PRELID2: variants seen among roughly 807,000 people sequenced by gnomAD.
PRELID2 encodes the protein PRELI domain-containing protein 2.
A neutral mutation model predicts 28.4 loss-of-function variants in PRELID2; 25 were observed. The observed-to-expected ratio is 0.88, with a 90% confidence interval of 0.64 to 1.23. PRELID2 has a LOEUF of 1.23. Among genes scored for constraint, PRELID2 ranks in the 50% most tolerant of loss-of-function variants. The pLI, the probability that PRELID2 is intolerant of heterozygous loss-of-function variation, is 0.00. For synonymous variants in PRELID2, 76 were observed against 71.6 expected (o/e 1.06, Z -0.31); for missense variants, 201 against 214.4 (o/e 0.94, Z 0.39).
At chr5:145,242,902 C>G in the PRELID2 span, among the ~76,000 whole-genome samples, 3 of 151,992 alleles carry the variant, frequency 2.0e-5, no homozygotes, top group African/African-American at 7.2e-5. Flanking sequence ...CATATGTGTT[C>G]TTGAGAGACA....
intron 1 of PRELID2, among the ~76,000 whole-genome samples, chr5:145,682,869 GC>G (rs1474375870): frequency 1.3e-5 from 2 of 152,176 alleles, no homozygotes; most frequent in Non-Finnish European, 2.9e-5. Flanking sequence ...AAATCAAGAA[GC>G]TTTTCAACAC....
intron 1 of PRELID2, among the ~76,000 whole-genome samples, chr5:145,652,850 C>G (rs1007386831): frequency 4.6e-5 from 7 of 152,136 alleles, no homozygotes; most frequent in Non-Finnish European, 8.8e-5. Flanking sequence ...AATTGACAGG[C>G]AAAATAACCA....
the PRELID2 span, among the ~76,000 whole-genome samples, chr5:145,446,890 T>C: frequency 6.6e-6 from 1 of 151,626 alleles, no homozygotes; most frequent in Non-Finnish European, 1.5e-5. Context: ...CTACTAGAAA[T>C]ACAAAATTAG....
intron 3 of PRELID2, 131 bp downstream of exon 3, chr5:145,819,814 T>C (rs1754634695): frequency 2.9e-6 from 2 of 698,434 alleles, no homozygotes; most frequent in Non-Finnish European, 5.1e-6. Flanking sequence ...GCTTTCTTCC[T>C]CAGAAGGTTC....
intron 1 of PRELID2, among the ~76,000 whole-genome samples, chr5:145,520,464 A>G (rs905170444): frequency 6.6e-6 from 1 of 152,094 alleles, no homozygotes; most frequent in Admixed American, 6.6e-5. Context: ...AGCACACACA[A>G]GCCTTCTTCA....
chr5:145,481,144 T>G (rs1446383335), intron 1 of PRELID2, among the ~76,000 whole-genome samples: 1 of 152,144 alleles, frequency 6.6e-6, no homozygotes, highest in East Asian at 1.9e-4. Flanking sequence ...CACCTAGAGC[T>G]TCTATAATCG....
intron 1 of PRELID2, among the ~76,000 whole-genome samples, chr5:145,717,901 T>C (rs1318046817): frequency 6.6e-6 from 1 of 151,716 alleles, no homozygotes; most frequent in Non-Finnish European, 1.5e-5. Context: ...GGCTGAGTAT[T>C]TTCTTCTCCA....
chr5:145,407,368 T>TG, the PRELID2 span, among the ~76,000 whole-genome samples: 1 of 152,076 alleles, frequency 6.6e-6, no homozygotes, highest in African/African-American at 2.4e-5. Context: ...ACCTATATGA[T>TG]GGGGCAGAGG....
chr5:145,698,358 A>T (rs1055142073), intron 1 of PRELID2, among the ~76,000 whole-genome samples: 1 of 152,224 alleles, frequency 6.6e-6, no homozygotes, highest in Non-Finnish European at 1.5e-5. Flanking sequence ...CTTGGAGCTT[A>T]TAGTCTACAG....
chr5:145,239,639 A>G, the PRELID2 span, among the ~76,000 whole-genome samples: 3 of 152,102 alleles, frequency 2.0e-5, no homozygotes, highest in African/African-American at 4.8e-5. Context: ...TACACCATGA[A>G]AAATGGAAAT....
chr5:145,729,716 C>T (rs76089611), intron 1 of PRELID2, among the ~76,000 whole-genome samples: 1 of 152,218 alleles, frequency 6.6e-6, no homozygotes, highest in East Asian at 1.9e-4. Flanking sequence ...TCACCGGGGT[C>T]TTTCTTGCCC....
intron 1 of PRELID2, among the ~76,000 whole-genome samples, chr5:145,703,707 G>A (rs995599685): frequency 6.6e-6 from 1 of 152,158 alleles, no homozygotes; most frequent in Non-Finnish European, 1.5e-5. Flanking sequence ...AGAAAAGAGA[G>A]ATGTTCAAGA....
the PRELID2 span, among the ~76,000 whole-genome samples, chr5:145,417,766 C>A: frequency 1.3e-5 from 2 of 151,936 alleles, no homozygotes; most frequent in African/African-American, 4.8e-5. Flanking sequence ...AAGAGCCATA[C>A]ACGATAAATC....
At chr5:145,471,541 T>A (rs1437614739), downstream of PRELID2, among the ~76,000 whole-genome samples, 1 of 152,144 alleles carries the variant, frequency 6.6e-6, no homozygotes, top group Non-Finnish European at 1.5e-5. Context: ...TAATATAATT[T>A]ATTAATAATG....
the PRELID2 span, among the ~76,000 whole-genome samples, chr5:145,261,404 C>A: frequency 6.6e-6 from 1 of 152,150 alleles, no homozygotes; most frequent in Non-Finnish European, 1.5e-5. Context: ...AAAGTACAAC[C>A]AAGGACCCTC....
intron 5 of PRELID2, among the ~76,000 whole-genome samples, chr5:145,768,295 T>G (rs1404700486): frequency 1.3e-5 from 2 of 149,024 alleles, no homozygotes; most frequent in Non-Finnish European, 3.0e-5. Context: ...ACCAGTGAAA[T>G]GAAATTTAAC....
chr5:145,617,559 T>C (rs1355855156), intron 1 of PRELID2, among the ~76,000 whole-genome samples: 1 of 152,190 alleles, frequency 6.6e-6, no homozygotes. Flanking sequence ...TATTTTCTTA[T>C]TCCTTTTTCT....
At chr5:145,308,245 G>C in the PRELID2 span, among the ~76,000 whole-genome samples, 1 of 152,106 alleles carries the variant, frequency 6.6e-6, no homozygotes, top group African/African-American at 2.4e-5. Flanking sequence ...TATATATCCT[G>C]TCCATATGGA....
chr5:145,698,419 A>T (rs2149701066), intron 1 of PRELID2, among the ~76,000 whole-genome samples: 1 of 152,308 alleles, frequency 6.6e-6, no homozygotes, highest in East Asian at 1.9e-4. Context: ...TCATTACAAA[A>T]TTGTCTTAGT....
Sources: allele counts gnomAD v4.1 joint callset (sites outside exome capture counted in the v4.1 genomes callset), GRCh38; gene constraint gnomAD v4.1.1; transcripts MANE v1.5; gene names NCBI Gene and HGNC (gene_info 2026-07-23, HGNC 2026-07-21).